TTC34: variants seen among roughly 807,000 people sequenced by gnomAD.
TTC34 encodes tetratricopeptide repeat domain 34, also known as tetratricopeptide repeat protein 34.
In TTC34, 44 loss-of-function variants were observed where a neutral mutation model predicts 40.7. That is an observed-to-expected ratio of 1.08 (90% CI 0.85 to 1.39). The LOEUF is 1.39. Among genes scored for constraint, TTC34 ranks in the 40% most tolerant of loss-of-function variants. The pLI is 0.00. For synonymous variants in TTC34, 422 were observed against 398.6 expected (o/e 1.06, Z -0.70); for missense variants, 884 against 838.0 (o/e 1.05, Z -0.68).
chr1:2,795,136 A>G (rs1226618194), intron 2 of TTC34, among the ~76,000 whole-genome samples: 1 of 151,936 alleles, frequency 6.6e-6, no homozygotes, highest in Non-Finnish European at 1.5e-5. Flanking sequence ...CTATAGTCCC[A>G]GCTACTTGGG....
chr1:2,779,384 C>A lies in TTC34; in HGVS notation c.2226+4225G>T, dbSNP rs569355197. On this transcript the variant is annotated intron_variant, in intron 6 of 8. Transcript: ENST00000401095. ...TGTCGCCCAGGCTGGAGTGCAGTGG[C>A]AGGATCTCAGCTCACTGCAACTCCC... Among the ~76,000 whole-genome samples the A allele has an allele frequency of 5.3e-5, 8 of 152,046 alleles. No homozygotes were observed. In the East Asian group the frequency reaches 1.5e-3, roughly 29 times the overall value.
intron 6 of TTC34, among the ~76,000 whole-genome samples, chr1:2,779,355 G>A (rs944413649): frequency 6.6e-6 from 1 of 151,422 alleles, no homozygotes; most frequent in African/African-American, 2.4e-5. Context: ...CTGGAGTCTC[G>A]CTCTGTCGCC....
intron 6 of TTC34, among the ~76,000 whole-genome samples, chr1:2,781,892 AC>A (rs1429204980): frequency 6.6e-6 from 1 of 152,172 alleles, no homozygotes; most frequent in Non-Finnish European, 1.5e-5. Context: ...CATCATTTTA[AC>A]AAATTGCTGA....
intron 6 of TTC34, among the ~76,000 whole-genome samples, chr1:2,768,205 A>T (rs1641849529): frequency 6.6e-6 from 1 of 151,806 alleles, no homozygotes. Flanking sequence ...AGCAGTGCCC[A>T]CCCCTGGGTG....
intron 6 of TTC34, among the ~76,000 whole-genome samples, chr1:2,671,729 CAG>C (rs1639707417): frequency 6.8e-6 from 1 of 147,002 alleles, no homozygotes; most frequent in Non-Finnish European, 1.5e-5. Flanking sequence ...GAGCATCTGA[CAG>C]CATGGAGCAG....
intron 6 of TTC34, among the ~76,000 whole-genome samples, chr1:2,652,157 A>T (rs1173017838): frequency 9.5e-6 from 1 of 105,056 alleles, no homozygotes; most frequent in African/African-American, 3.7e-5. Context: ...CTGGAACACA[A>T]CCCACACCCC....
chr1:2,645,931 G>A lies in TTC34; in HGVS notation c.2227-368C>T, dbSNP rs980678974. The stretch of plus-strand genomic sequence containing the variant: ...CCAGCTTGTAGCTGGCTCCCTCCAC[G>A]CCTGTCCCTCCCCACAGGGGCATCT... On this transcript the variant is annotated intron_variant, in intron 6 of 8. Transcript: ENST00000401095. The surrounding 1 kb of genome is among the most constrained non-coding windows in gnomAD (Gnocchi z 4.7). Among the ~76,000 whole-genome samples the A allele has an allele frequency of 2.6e-5, 4 of 152,028 alleles. No homozygotes were observed. The highest frequency in any genetic ancestry group is 2.1e-4 in the South Asian group (1 of 4,816).
At position 2,687,804 on chromosome 1, in the gene TTC34, C is replaced by A. The variant is rs112028181; in HGVS notation, c.2227-42241G>T. On this transcript the variant is annotated intron_variant, in intron 6 of 8. Coordinates refer to ENST00000401095, the Ensembl canonical transcript of TTC34. ...ATCTGACAGCCTGGGTCGGCACCCA[C>A]ACCTCCAGGTGAGCATCTGATGGTC... Among the ~76,000 whole-genome samples the A allele has an allele frequency of 1.8e-3, 274 of 150,960 alleles. 3 individuals carry two copies. The highest frequency in any genetic ancestry group is 6.9e-3 in the Middle Eastern group (2 of 290).
At chr1:2,687,709 C>G (rs1184395726) in intron 6 of TTC34, among the ~76,000 whole-genome samples, 2 of 151,032 alleles carry the variant, frequency 1.3e-5, no homozygotes, top group Non-Finnish European at 2.9e-5. Context: ...ATCTGACAGC[C>G]GGGAACAGCA....
intron 6 of TTC34, among the ~76,000 whole-genome samples, chr1:2,683,292 C>G (rs1357084426): frequency 6.6e-6 from 1 of 151,532 alleles, no homozygotes; most frequent in African/African-American, 2.4e-5. Context: ...CATCTGACAG[C>G]CTGGAACAGA....
At chr1:2,789,867 C>G in exon 3 of TTC34, 1 of 423,308 alleles carries the variant, frequency 2.4e-6, no homozygotes, top group Admixed American at 4.4e-5. Context: ...GCGCAGAAGC[C>G]GCGCAGAGCC....
rs1409939453 is a variant in TTC34 at position 2,783,659 on chromosome 1, G to A, written c.2176C>T (p.Gln726Ter). 19 of 1,531,324 alleles carry A rather than the reference G, an allele frequency of 1.2e-5. No homozygotes were observed. In the East Asian group the frequency reaches 4.8e-4, roughly 38 times the overall value. The allele number at this position is 1,531,324 out of a possible 1,614,324, so 94.9% of individuals were successfully genotyped here. A position where few individuals can be genotyped will look rare whatever the true frequency, so the allele number is the denominator to read the frequency against. ...ACCAACGCCCGTCCACACAGTGCCTGCACGTTCCCCGGCTCAGCCCGCAGC... is the reference window on the plus strand; with the variant it reads ...ACCAACGCCCGTCCACACAGTGCCTACACGTTCCCCGGCTCAGCCCGCAGC... Residue 726 changes from glutamine to a stop codon, truncating the protein, a stop_gained, in exon 6 of 9, where the codon CAG becomes TAG. Transcript: ENST00000401095. LOFTEE classifies it high-confidence loss of function.
chr1:2,767,710 G>A (rs1424740154), intron 6 of TTC34, among the ~76,000 whole-genome samples: 4 of 134,848 alleles, frequency 3.0e-5, no homozygotes, highest in Non-Finnish European at 3.2e-5. Context: ...TGACTACCTG[G>A]AACAGAACCC....
intron 6 of TTC34, among the ~76,000 whole-genome samples, chr1:2,691,643 A>G: frequency 8.9e-6 from 1 of 112,384 alleles, no homozygotes; most frequent in Non-Finnish European, 2.0e-5. Flanking sequence ...CGCACGTGAC[A>G]GCCTGGAACA....
intron 6 of TTC34, among the ~76,000 whole-genome samples, chr1:2,660,353 C>CGA: frequency 1.4e-5 from 2 of 138,710 alleles, no homozygotes; most frequent in African/African-American, 2.5e-5. Context: ...AACCACACTC[C>CGA]CAGGCGAGCA....
At chr1:2,652,532 C>CTGGAGCAGCACGCACACCCCCAGGT (rs1639182765) in intron 6 of TTC34, among the ~76,000 whole-genome samples, 5 of 25,444 alleles carry the variant, frequency 2.0e-4, no homozygotes, top group Non-Finnish European at 1.7e-4. Flanking sequence ...CACCTCCAGG[C>CTGGAGCAGCACGCACACCCCCAGGT]GAGCATTGGA....
At chr1:2,652,372 G>A (rs1467508457) in intron 6 of TTC34, among the ~76,000 whole-genome samples, 10 of 151,756 alleles carry the variant, frequency 6.6e-5, no homozygotes, top group Admixed American at 6.6e-5. Context: ...ACACCCCCAG[G>A]TGAGCATCTG....
Position 2,749,662 on chromosome 1 carries a change from C to G in TTC34, c.2226+33947G>C, listed in dbSNP as rs1169442479. 2.9e-5 allele frequency among the ~76,000 whole-genome samples: 3 copies of G among 103,518 alleles called. 1 individual carries two copies. Among genetic ancestry groups the G allele is most frequent in the African/African-American group, 1.5e-4 (3 of 20,150 alleles). 67.9% of individuals were successfully genotyped at this position (103,518 alleles called of 152,430 possible). A position where few individuals can be genotyped will look rare whatever the true frequency, so the allele number is the denominator to read the frequency against. On this transcript the variant is annotated intron_variant, in intron 6 of 8. Transcript: ENST00000401095. ...CCCACACCCAGAGGTGAGCATCCGA[C>G]AGCCTGGAGCAGCAACCTGCACACC...
chr1:2,751,077 C>A lies in TTC34; in HGVS notation c.2226+32532G>T, dbSNP rs1484817652. 7.0e-5 allele frequency among the ~76,000 whole-genome samples: 4 copies of A among 57,022 alleles called. 2 individuals carry two copies. The highest frequency in any genetic ancestry group is 2.6e-4 in the African/African-American group (4 of 15,134). 37.4% of individuals were successfully genotyped at this position (57,022 alleles called of 152,430 possible). A position where few individuals can be genotyped will look rare whatever the true frequency, so the allele number is the denominator to read the frequency against. ...GGTGAGCATCTGACAGACTGGAACACCTCCCACATGCCCAGCTGAGCCTCT... is the reference window on the plus strand; with the variant it reads ...GGTGAGCATCTGACAGACTGGAACAACTCCCACATGCCCAGCTGAGCCTCT... On this transcript the variant is annotated intron_variant, in intron 6 of 8. Transcript: ENST00000401095.
Sources: allele counts gnomAD v4.1 joint callset (sites outside exome capture counted in the v4.1 genomes callset), GRCh38; gene constraint gnomAD v4.1.1; non-coding constraint Gnocchi (gnomAD v3.1); transcripts MANE v1.5; gene names NCBI Gene and HGNC (gene_info 2026-07-23, HGNC 2026-07-21).